Variants in PSMA6 observed in about 807,000 individuals in gnomAD.
PSMA6 encodes the protein proteasome subunit alpha type-6.
For synonymous variants in PSMA6, 88 were observed against 97.7 expected, an observed-to-expected ratio of 0.90 and a Z score of 0.59; for missense variants, 170 against 294.8, an observed-to-expected ratio of 0.58 and a Z score of 3.10.
chr14:35,288,676 C>T (rs1054440162), upstream of PSMA6, among the ~76,000 whole-genome samples: 1 of 152,174 alleles, frequency 6.6e-6, no homozygotes, highest in African/African-American at 2.4e-5. Flanking sequence ...ATCCTATGCC[C>T]AGCTTAAATA....
chr14:35,312,350 A>T (rs1192543132), intron 4 of PSMA6, among the ~76,000 whole-genome samples: 1 of 151,964 alleles, frequency 6.6e-6, no homozygotes, highest in Non-Finnish European at 1.5e-5. Context: ...TACTAAAAAC[A>T]CAAAAAATTA....
At chr14:35,295,365 C>T (rs2051563924) in intron 1 of PSMA6, among the ~76,000 whole-genome samples, 2 of 150,988 alleles carry the variant, frequency 1.3e-5, no homozygotes, top group African/African-American at 2.4e-5. Flanking sequence ...TAATGCCAAT[C>T]ATAATTATAA....
At chr14:35,292,313 C>T, upstream of PSMA6, 1 of 1,449,796 alleles carries the variant, frequency 6.9e-7, no homozygotes, top group Non-Finnish European at 9.1e-7. Flanking sequence ...CCTCAGAGCT[C>T]AGTGCTCGAA....
chr14:35,312,038 ATTAT>A (rs893170247), intron 4 of PSMA6, among the ~76,000 whole-genome samples: 16 of 152,252 alleles, frequency 1.1e-4, no homozygotes, highest in African/African-American at 3.9e-4. Flanking sequence ...TTAATATGCT[ATTAT>A]TTATTATCTG....
chr14:35,292,196 G>A (rs867861799), upstream of PSMA6: 1 of 751,704 alleles, frequency 1.3e-6, no homozygotes, highest in Non-Finnish European at 1.8e-6. Flanking sequence ...GCCTGAAAGC[G>A]CCACGACCCA....
In PSMA6 at chr14:35,308,569, C is replaced by G. The variant is rs1403150916; in HGVS notation, c.172-345C>G. On this transcript the variant is annotated intron_variant, in intron 2 of 6. Coordinates refer to ENST00000261479, the MANE Select transcript of PSMA6 (RefSeq NM_002791.3). Reference sequence around the variant, plus strand: ...GTCTATTGAACGTCTATATACAGTTCAGCTGTGTGGACAGAATTAACTTAT... The same window carrying G: ...GTCTATTGAACGTCTATATACAGTTGAGCTGTGTGGACAGAATTAACTTAT... 5 of 258,882 alleles carry G rather than the reference C, an allele frequency of 1.9e-5. No homozygotes were observed. In the Admixed American group the frequency reaches 2.6e-4, roughly 13 times the overall value. The allele number at this position is 258,882 out of a possible 1,614,324, so 16.0% of individuals were successfully genotyped here. A position where few individuals can be genotyped will look rare whatever the true frequency, so the allele number is the denominator to read the frequency against.
At chr14:35,282,641 A>G (rs1447216517) in intron 1 of PSMA6, among the ~76,000 whole-genome samples, 2 of 152,108 alleles carry the variant, frequency 1.3e-5, no homozygotes, top group East Asian at 1.9e-4. Flanking sequence ...TCTTGCATCT[A>G]GGAGCTCAAG....
intron 2 of PSMA6, 87 bp downstream of exon 2, chr14:35,308,175 A>C (rs2051867413): frequency 1.3e-6 from 2 of 1,529,632 alleles, no homozygotes; most frequent in Non-Finnish European, 1.8e-6. Flanking sequence ...TAATCCCAGC[A>C]CTTTGGGAGG....
At chr14:35,306,637 G>A (rs1196054779) in intron 1 of PSMA6, among the ~76,000 whole-genome samples, 2 of 152,250 alleles carry the variant, frequency 1.3e-5, no homozygotes, top group East Asian at 3.9e-4. Context: ...AGCCCGGGAG[G>A]CAGAGGTTGT....
At chr14:35,286,317 C>G (rs2051421350) in intron 1 of PSMA6, among the ~76,000 whole-genome samples, 1 of 152,200 alleles carries the variant, frequency 6.6e-6, no homozygotes, top group South Asian at 2.1e-4. Context: ...GCTGTTCTCT[C>G]AAGCTATGAA....
chr14:35,297,119 GT>G (rs924383407), intron 1 of PSMA6, among the ~76,000 whole-genome samples: 3,362 of 62,616 alleles, frequency 0.054, 30 homozygotes, highest in African/African-American at 0.13. Flanking sequence ...TCTTAACAAA[GT>G]TTTTTTTTTT....
At chr14:35,314,328 T>TC (rs780136263) in intron 5 of PSMA6, 33 bp from the exon 6 acceptor site, 27 of 1,549,398 alleles carry the variant, frequency 1.7e-5, no homozygotes, top group African/African-American at 2.8e-5. Flanking sequence ...CTCTAAAAAA[T>TC]ACTATATTTT....
At chr14:35,310,952 A>G (rs1466612398) in intron 4 of PSMA6, 57 bp downstream of exon 4, 3 of 1,513,470 alleles carry the variant, frequency 2.0e-6, no homozygotes, top group Non-Finnish European at 2.7e-6. Context: ...TTTACAGAAC[A>G]TGTATACAGA....
At chr14:35,281,146 A>C (rs1446214056) in intron 1 of PSMA6, among the ~76,000 whole-genome samples, 1 of 152,126 alleles carries the variant, frequency 6.6e-6, no homozygotes, top group Non-Finnish European at 1.5e-5. Context: ...CATTCATGGG[A>C]GGGATGGCTT....
At chr14:35,312,093 C>T (rs780601065) in intron 4 of PSMA6, among the ~76,000 whole-genome samples, 15 of 150,940 alleles carry the variant, frequency 9.9e-5, no homozygotes, top group Admixed American at 4.0e-4. Flanking sequence ...GGGCCAGGCA[C>T]AGTGGTGCAC....
intron 1 of PSMA6, among the ~76,000 whole-genome samples, chr14:35,286,457 T>C (rs1260509663): frequency 6.6e-6 from 1 of 152,204 alleles, no homozygotes; most frequent in East Asian, 1.9e-4. Context: ...ATTCTCAGTG[T>C]TTTTCAAAGT....
At chr14:35,285,375 C>T (rs894886519) in intron 1 of PSMA6, among the ~76,000 whole-genome samples, 1 of 149,648 alleles carries the variant, frequency 6.7e-6, no homozygotes, top group African/African-American at 2.5e-5. Context: ...AACCGTAGCA[C>T]ACTCTTGCTT....
intron 1 of PSMA6, among the ~76,000 whole-genome samples, chr14:35,304,411 G>A (rs983299117): frequency 5.9e-5 from 9 of 152,132 alleles, no homozygotes; most frequent in African/African-American, 2.2e-4. Flanking sequence ...CACAAATAGC[G>A]AGGCACCAGC....
At chr14:35,281,286 A>T (rs2051363933) in intron 1 of PSMA6, among the ~76,000 whole-genome samples, 1 of 152,200 alleles carries the variant, frequency 6.6e-6, no homozygotes, top group East Asian at 1.9e-4. Flanking sequence ...TATTGCTAGA[A>T]AAGTCATGAA....
Sources: allele counts gnomAD v4.1 joint callset (sites outside exome capture counted in the v4.1 genomes callset), GRCh38; gene constraint gnomAD v4.1.1; transcripts MANE v1.5; gene names NCBI Gene and HGNC (gene_info 2026-07-23, HGNC 2026-07-21).